The following METTL15 variants were observed in gnomAD, a reference collection of about 807,000 sequenced individuals.
METTL15 encodes the protein 12S rRNA N(4)-cytidine methyltransferase METTL15.
Under a neutral mutation model 38.3 loss-of-function variants are expected in METTL15, and 34 were observed. That is an observed-to-expected ratio of 0.89 (90% CI 0.68 to 1.18). The LOEUF is 1.18. Ranked by LOEUF, METTL15 falls within the 50% of genes most tolerant of loss-of-function variation. The pLI is 0.00. For synonymous variants in METTL15, 162 were observed against 170.9 expected, an observed-to-expected ratio of 0.95 and a Z score of 0.41; for missense variants, 438 against 498.4, an observed-to-expected ratio of 0.88 and a Z score of 1.15.
intron 3 of METTL15, among the ~76,000 whole-genome samples, chr11:28,180,344 C>T (rs1039565199): frequency 3.3e-5 from 5 of 151,774 alleles, no homozygotes; most frequent in African/African-American, 7.2e-5. Context: ...TCAGCAGAAG[C>T]GAATTAAAAA....
intron 4 of METTL15, among the ~76,000 whole-genome samples, chr11:28,289,753 A>G (rs1200448317): frequency 6.6e-6 from 1 of 152,188 alleles, no homozygotes; most frequent in Non-Finnish European, 1.5e-5. Context: ...AAACATGGAG[A>G]AAGCTAAAAT....
At chr11:28,325,129 T>C (rs1849592959) in intron 6 of METTL15, among the ~76,000 whole-genome samples, 1 of 152,190 alleles carries the variant, frequency 6.6e-6, no homozygotes, top group Non-Finnish European at 1.5e-5. Context: ...TCTGGGTGGC[T>C]GCACCTGCAC....
At chr11:28,509,655 C>T (rs1237545252) in intron 6 of METTL15, among the ~76,000 whole-genome samples, 1 of 152,086 alleles carries the variant, frequency 6.6e-6, no homozygotes, top group Non-Finnish European at 1.5e-5. Context: ...AGTTGTTTTA[C>T]CTCTCTGGGC....
At chr11:28,159,465 A>G (rs1850378088) in intron 3 of METTL15, among the ~76,000 whole-genome samples, 1 of 151,792 alleles carries the variant, frequency 6.6e-6, no homozygotes, top group Non-Finnish European at 1.5e-5. Context: ...AAAAAACACA[A>G]CCTGCTGAGG....
intron 5 of METTL15, among the ~76,000 whole-genome samples, chr11:28,291,354 C>A (rs921133503): frequency 3.3e-5 from 5 of 152,164 alleles, no homozygotes; most frequent in South Asian, 2.1e-4. Flanking sequence ...CCAACAATTT[C>A]TTTATATTAA....
At chr11:28,286,881 C>T (rs1381613141) in intron 4 of METTL15, among the ~76,000 whole-genome samples, 9 of 151,600 alleles carry the variant, frequency 5.9e-5, no homozygotes, top group African/African-American at 9.7e-5. Context: ...TATGTACACA[C>T]GCACACACAG....
intron 3 of METTL15, among the ~76,000 whole-genome samples, chr11:28,127,841 C>T (rs900008962): frequency 3.3e-5 from 5 of 151,922 alleles, no homozygotes; most frequent in Admixed American, 1.3e-4. Context: ...GAAATCACCC[C>T]GACAGTTAAA....
chr11:28,383,373 G>A (rs997818764), intron 5 of METTL15, among the ~76,000 whole-genome samples: 2 of 152,182 alleles, frequency 1.3e-5, no homozygotes, highest in East Asian at 1.9e-4. Flanking sequence ...TCATTGATGG[G>A]CATTGAGTTT....
At chr11:28,373,558 T>G (rs1163561629) in intron 5 of METTL15, among the ~76,000 whole-genome samples, 2 of 152,194 alleles carry the variant, frequency 1.3e-5, no homozygotes, top group East Asian at 1.9e-4. Flanking sequence ...TTTCTCCCAT[T>G]TTGTAGGTTG....
Position 28,330,661 on chromosome 11 carries a change from A to G in METTL15, c.1044A>G (p.Gln348=), listed in dbSNP as rs753984954. 3.9e-5 allele frequency: 60 copies of G among 1,551,346 alleles called. No homozygotes were observed. Among genetic ancestry groups the G allele is most frequent in the Admixed American group, 2.2e-4 (11 of 50,972 alleles). Residue 348 remains glutamine, a synonymous_variant, in exon 7 of 7, where the codon CAA becomes CAG. Transcript: ENST00000407364. ...AAAGATTTAACCTAAGTGTTAGACA[A>G]CAAGTGATGAAAACATCTCAATTGG... ...MTERFNLSVR[Q]QVMKTSQLGS...
intron 3 of METTL15, among the ~76,000 whole-genome samples, chr11:28,181,259 A>ATTTTTTTTATTTTTTTT (rs1851273249): frequency 7.5e-6 from 1 of 133,798 alleles, no homozygotes; most frequent in Admixed American, 8.2e-5. Context: ...TTAATTTTTA[A>ATTTTTTTTATTTTTTTT]TTTTTTTTTT....
intron 6 of METTL15, among the ~76,000 whole-genome samples, chr11:28,460,129 A>C (rs926769384): frequency 1.3e-5 from 2 of 151,928 alleles, no homozygotes; most frequent in African/African-American, 4.8e-5. Context: ...TTAAAATAAT[A>C]CTTTATTATT....
chr11:28,122,219 A>G (rs781560682), intron 3 of METTL15: 1 of 1,204,498 alleles, frequency 8.3e-7, no homozygotes, highest in Non-Finnish European at 1.1e-6. Flanking sequence ...ATGTTTATGG[A>G]TTATATTTTT....
chr11:28,334,394 A>T (rs1336700115), downstream of METTL15, among the ~76,000 whole-genome samples: 1 of 152,064 alleles, frequency 6.6e-6, no homozygotes, highest in Non-Finnish European at 1.5e-5. Context: ...ATTTTACTGC[A>T]ATTATTTTTC....
At position 28,219,897 on chromosome 11, in the gene METTL15, C is replaced by G. The variant is rs142922341; in HGVS notation, c.407+8699C>G. 2.0e-5 allele frequency among the ~76,000 whole-genome samples: 3 copies of G among 152,208 alleles called. No homozygotes were observed. In the East Asian group the frequency reaches 5.8e-4, roughly 29 times the overall value. ...TGAGTGAGTTTCTTAATCCTGATTT[C>G]TAGGTTGATTGCACTATGGTCTGAG... On this transcript the variant is annotated intron_variant, in intron 4 of 6. Transcript: ENST00000407364.
intron 4 of METTL15, among the ~76,000 whole-genome samples, chr11:28,222,786 T>C (rs948543459): frequency 1.3e-5 from 2 of 152,150 alleles, no homozygotes; most frequent in Non-Finnish European, 2.9e-5. Context: ...CAAGACTAGT[T>C]TGGTAATTTC....
At chr11:28,257,635 C>T (rs548457946) in intron 4 of METTL15, among the ~76,000 whole-genome samples, 1 of 152,094 alleles carries the variant, frequency 6.6e-6, no homozygotes, top group Non-Finnish European at 1.5e-5. Flanking sequence ...TTCAAGCTCA[C>T]TAATTCTTTC....
intron 6 of METTL15, among the ~76,000 whole-genome samples, chr11:28,502,048 C>T (rs904304315): frequency 1.1e-4 from 16 of 146,636 alleles, no homozygotes; most frequent in African/African-American, 4.0e-4. Flanking sequence ...TTGCAGGGAG[C>T]GGAGATCTCG....
At chr11:28,375,600 A>G (rs1275720356) in intron 5 of METTL15, among the ~76,000 whole-genome samples, 1 of 151,356 alleles carries the variant, frequency 6.6e-6, no homozygotes, top group Non-Finnish European at 1.5e-5. Flanking sequence ...AATTTTGTTG[A>G]TCCTTTCAAA....
Sources: allele counts gnomAD v4.1 joint callset (sites outside exome capture counted in the v4.1 genomes callset), GRCh38; gene constraint gnomAD v4.1.1; transcripts MANE v1.5; gene names NCBI Gene and HGNC (gene_info 2026-07-23, HGNC 2026-07-21).